CPNE9: variants seen among roughly 807,000 people sequenced by gnomAD.
The protein encoded by CPNE9 is copine family member 9.
In CPNE9, 59 loss-of-function variants were observed where a neutral mutation model predicts 83.0. The observed-to-expected ratio is 0.71, with a 90% CI of 0.58 to 0.88. CPNE9 has a LOEUF of 0.88. CPNE9 is among the 40% of genes least tolerant of loss of function. The pLI is 0.00. For synonymous variants in CPNE9, 256 were observed against 273.4 expected, an observed-to-expected ratio of 0.94 and a Z score of 0.63; for missense variants, 619 against 720.8, an observed-to-expected ratio of 0.86 and a Z score of 1.62.
At chr3:9,711,281 C>T (rs2076625367) in intron 7 of CPNE9, among the ~76,000 whole-genome samples, 1 of 152,168 alleles carries the variant, frequency 6.6e-6, no homozygotes, top group Non-Finnish European at 1.5e-5. Flanking sequence ...CAGCTCACTG[C>T]AAACTCTGCT....
chr3:9,705,908 G>C (rs2076559482), intron 6 of CPNE9, 79 bp from the exon 7 acceptor site: 1 of 1,505,894 alleles, frequency 6.6e-7, no homozygotes, highest in East Asian at 2.3e-5. Flanking sequence ...CCCTGGTCCT[G>C]TGCAGGAGCA....
At chr3:9,709,594 G>T (rs953713314) in intron 7 of CPNE9, among the ~76,000 whole-genome samples, 10 of 151,484 alleles carry the variant, frequency 6.6e-5, no homozygotes, top group Admixed American at 1.3e-4. Context: ...GGTCTTGAAC[G>T]CCTTACCTCG....
intron 7 of CPNE9, among the ~76,000 whole-genome samples, chr3:9,708,313 G>A (rs1212960443): frequency 6.6e-6 from 1 of 152,098 alleles, no homozygotes; most frequent in Non-Finnish European, 1.5e-5. Context: ...GAGGAAGGAC[G>A]GGAGAAAAAG....
chr3:9,718,757 T>G (rs2076708512), intron 17 of CPNE9, among the ~76,000 whole-genome samples, 155 bp downstream of exon 17: 1 of 151,692 alleles, frequency 6.6e-6, no homozygotes, highest in South Asian at 2.1e-4. Flanking sequence ...TCCCAACACT[T>G]TGGGAGACTG....
At chr3:9,726,805 C>A (rs1346705443) in intron 19 of CPNE9, 83 bp downstream of exon 19, 9 of 1,231,422 alleles carry the variant, frequency 7.3e-6, no homozygotes, top group Non-Finnish European at 1.1e-5. Flanking sequence ...GCCTGCCTCA[C>A]AGATGACACA....
In CPNE9 at chr3:9,717,052, C is replaced by T; in HGVS notation, c.885-6C>T. 6.2e-7 allele frequency: 1 copy of T among 1,614,084 alleles called. No homozygotes were observed. The highest frequency in any genetic ancestry group is 8.5e-7 in the Non-Finnish European group (1 of 1,179,938). On this transcript the variant is annotated splice_polypyrimidine_tract_variant and splice_region_variant and intron_variant, in intron 14 of 20. Coordinates refer to ENST00000383832, the MANE Select transcript of CPNE9 (RefSeq NM_153635.3). ...TCACTTCTCAATTCATCTGCTTCCC[C>T]AACAGGACACAGCTGAACTTCACAG...
intron 15 of CPNE9, among the ~76,000 whole-genome samples, chr3:9,717,670 GTGGA>G (rs113581025): frequency 7.9e-5 from 12 of 151,834 alleles, no homozygotes; most frequent in African/African-American, 1.5e-4. Flanking sequence ...AGACAAGTGG[GTGGA>G]TGGATGGATG....
At position 9,720,867 on chromosome 3, in the gene CPNE9, G is replaced by A. The variant is rs181433860; in HGVS notation, c.1241+2265G>A. ...GCCAGACTAGCCAAGTTAACACTCTGGTTCTATCACTCACTAGCTGTGGCT... is the reference window on the plus strand; with the variant it reads ...GCCAGACTAGCCAAGTTAACACTCTAGTTCTATCACTCACTAGCTGTGGCT... On this transcript the variant is annotated intron_variant, in intron 17 of 20. Coordinates refer to ENST00000383832, the MANE Select transcript of CPNE9 (RefSeq NM_153635.3). Among the ~76,000 whole-genome samples the A allele has an allele frequency of 2.9e-3, 442 of 152,256 alleles. 7 individuals are homozygous for A. Among genetic ancestry groups the A allele is most frequent in the Admixed American group, 0.024 (368 of 15,296 alleles).
rs778658020 is a variant in CPNE9, at chr3:9,715,293, G to C, written c.697G>C (p.Asp233His). 1 of 1,614,054 alleles carries C rather than the reference G, an allele frequency of 6.2e-7. No homozygotes were observed. The highest frequency in any genetic ancestry group is 1.3e-5 in the African/African-American group (1 of 74,940). Reference sequence around the variant, plus strand: ...GCCACGCCCACCTCATTGCAGCCACGATTTCATTGGTGAGTTCACCACCAG... The same window carrying C: ...GCCACGCCCACCTCATTGCAGCCACCATTTCATTGGTGAGTTCACCACCAG... ...VYDWDRDGSH[D>H]FIGEFTTSYR... The change falls in exon 12 of 21, where the codon GAT becomes CAT. Residue 233 changes from aspartate to histidine, a missense_variant. Transcript: ENST00000383832.
intron 10 of CPNE9, 34 bp from the exon 11 acceptor site, chr3:9,714,880 C>T: frequency 6.3e-7 from 1 of 1,584,034 alleles, no homozygotes; most frequent in Non-Finnish European, 8.6e-7. Flanking sequence ...ATTTATCATA[C>T]ACACCTAGGG....
Position 9,714,916 on chromosome 3 carries a change from C to T in CPNE9, c.653C>T (p.Thr218Met), listed in dbSNP as rs1408632297. 5.0e-6 allele frequency: 8 copies of T among 1,613,378 alleles called. No homozygotes were observed. The highest frequency in any genetic ancestry group is 1.3e-5 in the African/African-American group (1 of 74,886). Residue 218 changes from threonine (T) to methionine (M), a missense_variant and splice_region_variant, in exon 11 of 21, where the codon ACG becomes ATG. By Grantham distance (81) the Thr-to-Met change is moderately conservative. This residue lies in a region of CPNE9 where 438 missense variants were observed against 562.9 expected (regional missense o/e 0.78). Coordinates refer to ENST00000383832, the MANE Select transcript of CPNE9 (RefSeq NM_153635.3). ...RALCNGDYDRTVKIDVYDWDR... is the reference protein window; with the variant it reads ...RALCNGDYDRMVKIDVYDWDR... ...TATGTTTATCTCCTACATTTCAGAA[C>T]GGTGAAGATTGATGTGTACGACTGG...
At chr3:9,710,864 A>G (rs2125463409) in intron 7 of CPNE9, among the ~76,000 whole-genome samples, 1 of 152,242 alleles carries the variant, frequency 6.6e-6, no homozygotes, top group East Asian at 1.9e-4. Flanking sequence ...GTCTCTAAAA[A>G]AGTAAAAATT....
intron 7 of CPNE9, 115 bp from the exon 8 acceptor site, chr3:9,712,426 G>A (rs1320171623): frequency 1.2e-6 from 1 of 829,448 alleles, no homozygotes; most frequent in Admixed American, 1.8e-5. Flanking sequence ...CAAGACACAA[G>A]GGACTGTCAG....
intron 4 of CPNE9, 25 bp from the exon 5 acceptor site, chr3:9,705,439 C>CCCCCCCCCCCGGG: frequency 6.7e-7 from 1 of 1,500,080 alleles, no homozygotes; most frequent in Non-Finnish European, 9.1e-7. Context: ...AGCCCCACCC[C>CCCCCCCCCCCGGG]ACACCGGTTC....
chr3:9,708,865 A>C (rs1318261957), intron 7 of CPNE9, among the ~76,000 whole-genome samples: 1 of 151,494 alleles, frequency 6.6e-6, no homozygotes, highest in Non-Finnish European at 1.5e-5. Flanking sequence ...CGATCTCCTG[A>C]CCTCATGATC....
At chr3:9,705,060 G>A in intron 4 of CPNE9, 66 bp downstream of exon 4, 1 of 1,206,850 alleles carries the variant, frequency 8.3e-7, no homozygotes, top group Non-Finnish European at 1.2e-6. Flanking sequence ...AATTCTGGCT[G>A]GCCCCACCCC....
At chr3:9,720,337 A>G (rs1185626465) in intron 17 of CPNE9, among the ~76,000 whole-genome samples, 1 of 152,094 alleles carries the variant, frequency 6.6e-6, no homozygotes, top group Non-Finnish European at 1.5e-5. Context: ...TGAGATTTAT[A>G]TGTCCATAGA....
At chr3:9,709,497 T>C (rs2076602447) in intron 7 of CPNE9, among the ~76,000 whole-genome samples, 2 of 149,548 alleles carry the variant, frequency 1.3e-5, no homozygotes, top group African/African-American at 4.9e-5. Flanking sequence ...GCCTCCCGAG[T>C]AGCTTGGATT....
At chr3:9,720,596 C>T (rs2076725858) in intron 17 of CPNE9, among the ~76,000 whole-genome samples, 1 of 152,126 alleles carries the variant, frequency 6.6e-6, no homozygotes, top group South Asian at 2.1e-4. Flanking sequence ...TGAATACTGC[C>T]CATGGAATGT....
Sources: allele counts gnomAD v4.1 joint callset (sites outside exome capture counted in the v4.1 genomes callset), GRCh38; gene constraint gnomAD v4.1.1; regional missense constraint gnomAD v4.1.1; transcripts MANE v1.5; gene names NCBI Gene and HGNC (gene_info 2026-07-23, HGNC 2026-07-21).